Variants in AP3D1 observed in about 807,000 individuals in gnomAD.
AP3D1 encodes AP-3 complex subunit delta-1.
In AP3D1, 51 loss-of-function variants were observed where a neutral mutation model predicts 147.6. The ratio of observed to expected loss-of-function variants is 0.35; its 90% CI spans 0.28 to 0.44. AP3D1 has a LOEUF of 0.44. Ranked by LOEUF, AP3D1 falls within the 20% of genes least tolerant of loss-of-function variation. The pLI is 1.00. For missense variants in AP3D1, 1,421 were observed against 1,624.2 expected, an observed-to-expected ratio of 0.87 and a Z score of 2.15; for synonymous variants, 760 against 663.0, an observed-to-expected ratio of 1.15 and a Z score of -2.25.
intron 6 of AP3D1, 27 bp from the exon 7 acceptor site, chr19:2,129,484 A>C (rs573038546): frequency 6.2e-7 from 1 of 1,601,806 alleles, no homozygotes; most frequent in Admixed American, 1.7e-5. Context: ...TCTCATCAGC[A>C]TGCCTGTCCT....
chr19:2,123,301 CTAACT>C (rs1342929486), intron 11 of AP3D1, 52 bp downstream of exon 11: 4 of 1,568,792 alleles, frequency 2.5e-6, no homozygotes, highest in Non-Finnish European at 3.5e-6. Flanking sequence ...AGGAGGACCC[CTAACT>C]TCACAGAGCT....
upstream of AP3D1, among the ~76,000 whole-genome samples, chr19:2,155,531 CAAAAAA>C (rs60793261): frequency 3.4e-4 from 19 of 55,272 alleles, no homozygotes; most frequent in African/African-American, 9.6e-4. Context: ...GACTCTGTCT[CAAAAAA>C]AAAAAAAAAA....
intron 20 of AP3D1, among the ~76,000 whole-genome samples, 182 bp from the exon 21 acceptor site, chr19:2,115,003 G>C (rs1237657251): frequency 6.6e-6 from 1 of 152,186 alleles, no homozygotes; most frequent in African/African-American, 2.4e-5. Context: ...CCAGGACGCA[G>C]CCAACCTGCA....
At chr19:2,110,054 A>T in intron 28 of AP3D1, 82 bp downstream of exon 28, 1 of 1,586,182 alleles carries the variant, frequency 6.3e-7, no homozygotes, top group Non-Finnish European at 8.6e-7. Context: ...CCCTAGGGAC[A>T]CCTGGACACC....
chr19:2,116,486 C>G (rs2018453031), intron 17 of AP3D1, 119 bp downstream of exon 17: 3 of 1,337,710 alleles, frequency 2.2e-6, no homozygotes, highest in South Asian at 3.0e-5. Context: ...GGCAGGGACG[C>G]CCATGCCTCC....
rs2019506002 is a variant in AP3D1 at position 2,151,375 on chromosome 19, T to A, written c.-41A>T. The A allele has an allele frequency of 7.0e-6, 10 of 1,436,656 alleles. No individual in the cohort carries two copies. Among genetic ancestry groups the A allele is most frequent in the Non-Finnish European group, 9.3e-6 (10 of 1,076,506 alleles). 89.0% of individuals were successfully genotyped at this position (1,436,656 alleles called of 1,614,324 possible). ...GCTTTTGCCTCGGGAGGCCCGCGGC[T>A]GGGCGCCGTGAGGGGGCCCGGGGCC... is the stretch of plus-strand genomic sequence containing the variant. On this transcript the variant is annotated 5_prime_UTR_variant, in exon 1 of 32. Transcript: ENST00000643116.
chr19:2,143,078 T>C (rs2019263953), intron 1 of AP3D1, among the ~76,000 whole-genome samples: 5 of 151,738 alleles, frequency 3.3e-5, no homozygotes, highest in Non-Finnish European at 7.4e-5. Context: ...TTTCTTTTTT[T>C]TCTGAGATGG....
At chr19:2,125,454 T>C (rs2018727962) in intron 9 of AP3D1, among the ~76,000 whole-genome samples, 2 of 152,148 alleles carry the variant, frequency 1.3e-5, no homozygotes. Context: ...TAGTCGGGAT[T>C]ACAGGCGCCC....
chr19:2,116,585 AG>A lies in AP3D1; in HGVS notation c.2001+19del. On this transcript the variant is annotated intron_variant, in intron 17 of 31. Transcript: ENST00000643116. ...AGGAGGGAGGAGACGAGGGCTCGCC[AG>A]GGGCAGCCAGCAGCTCACCCGAGCC... is the stretch of plus-strand genomic sequence containing the variant. 1 of 1,568,200 alleles carries A rather than the reference AG, an allele frequency of 6.4e-7. No individual in the cohort carries two copies. The highest frequency in any genetic ancestry group is 1.2e-5 in the South Asian group (1 of 84,796).
At chr19:2,150,710 G>T (rs975425062) in intron 1 of AP3D1, among the ~76,000 whole-genome samples, 1 of 152,228 alleles carries the variant, frequency 6.6e-6, no homozygotes, top group African/African-American at 2.4e-5. Flanking sequence ...AAGGAAGAAG[G>T]AGTTTCTCCA....
intron 5 of AP3D1, 36 bp downstream of exon 5, chr19:2,132,435 G>T: frequency 1.3e-6 from 2 of 1,555,816 alleles, no homozygotes; most frequent in South Asian, 2.3e-5. Flanking sequence ...TCCCAGAGCA[G>T]ACATGCAGGG....
chr19:2,110,169 C>T lies in AP3D1; in HGVS notation c.3231G>A (p.Gln1077=), dbSNP rs1471204444. ...VFTIQSIVMA[Q]KLKGTLSFIA... ...TGAAGGACAGGGTCCCCTTGAGCTT[C>T]TGCGCCATGACGATGCTCTGGATGG... Residue 1077 remains glutamine (Q), a synonymous_variant, in exon 28 of 32, where the codon CAG becomes CAA. Coordinates refer to ENST00000643116, the MANE Select transcript of AP3D1 (RefSeq NM_001261826.3). 13 of 1,612,896 alleles carry T rather than the reference C, an allele frequency of 8.1e-6. No individual in the cohort carries two copies. The highest frequency in any genetic ancestry group is 1.1e-5 in the Non-Finnish European group (13 of 1,179,986).
intron 9 of AP3D1, among the ~76,000 whole-genome samples, chr19:2,124,855 G>A (rs2018708414): frequency 6.6e-6 from 1 of 152,272 alleles, no homozygotes; most frequent in Non-Finnish European, 1.5e-5. Flanking sequence ...CAGGAGAATC[G>A]CTTGACCTGG....
In AP3D1 at chr19:2,136,017, C is replaced by A. The variant is rs56722175; in HGVS notation, c.354+994G>T. On this transcript the variant is annotated intron_variant, in intron 4 of 31. Coordinates refer to ENST00000643116, the MANE Select transcript of AP3D1 (RefSeq NM_001261826.3). ...GCCCAGGCCCCTCCCGCTACACGGC[C>A]ACGACCCAAGAAGACTCCCGCCCAG... is the stretch of plus-strand genomic sequence containing the variant. Among the ~76,000 whole-genome samples, 854 of 151,616 alleles carry A rather than the reference C, an allele frequency of 5.6e-3. 4 individuals are homozygous for A. The highest frequency in any genetic ancestry group is 0.019 in the African/African-American group (801 of 41,190).
chr19:2,109,122 G>T lies in AP3D1; in HGVS notation c.3436C>A (p.Leu1146Ile), dbSNP rs749972655. Residue 1146 changes from leucine (L) to isoleucine (I), a missense_variant, in exon 30 of 32, where the codon CTT becomes ATT. Coordinates refer to ENST00000643116, the MANE Select transcript of AP3D1 (RefSeq NM_001261826.3). ...TGGTGAAAACAGATCTTCGCCAGAA[G>T]ATTCTGGAAGGACATCCGAATGCCA... is the stretch of plus-strand genomic sequence containing the variant. ...VDGIRMSFQN[L>I]LAKICFHHHF... is the part of the protein sequence containing the mutation. The T allele has an allele frequency of 6.2e-7, 1 of 1,609,342 alleles. No homozygotes were observed. The highest frequency in any genetic ancestry group is 2.2e-5 in the East Asian group (1 of 44,818).
chr19:2,131,299 C>T (rs1169953320), intron 5 of AP3D1, among the ~76,000 whole-genome samples: 4 of 151,708 alleles, frequency 2.6e-5, no homozygotes, highest in African/African-American at 9.7e-5. Flanking sequence ...GGGGACGGCG[C>T]CCATCGGCCA....
chr19:2,151,852 G>C (rs1415077258), upstream of AP3D1, among the ~76,000 whole-genome samples: 1 of 152,252 alleles, frequency 6.6e-6, no homozygotes, highest in Non-Finnish European at 1.5e-5. Context: ...CCTCCCACCA[G>C]CTGACAGGTG....
chr19:2,127,490 CT>C lies in AP3D1; in HGVS notation c.807-290del, dbSNP rs144972770. On this transcript the variant is annotated intron_variant, in intron 8 of 31. Coordinates refer to ENST00000643116, the MANE Select transcript of AP3D1 (RefSeq NM_001261826.3). ...GCGGCCTGTGAGATGGCAATACCGC[CT>C]TCCTACTGCATCTTTTCTAGAGTTT... Among the ~76,000 whole-genome samples, 11,695 of 152,266 alleles carry C rather than the reference CT, an allele frequency of 0.077. 877 individuals carry two copies. The highest frequency in any genetic ancestry group is 0.18 in the African/African-American group (7,565 of 41,526).
chr19:2,137,907 A>G, intron 2 of AP3D1, 100 bp from the exon 3 acceptor site: 7 of 1,062,698 alleles, frequency 6.6e-6, no homozygotes, highest in African/African-American at 1.6e-5. Context: ...ACGGTGCTGG[A>G]ACAGACTCAT....
Sources: gnomAD v4.1 joint callset for allele counts (sites outside exome capture counted in the v4.1 genomes callset) on GRCh38, gnomAD v4.1.1 for gene constraint, MANE v1.5 for transcripts, NCBI Gene and HGNC (gene_info 2026-07-23, HGNC 2026-07-21) for gene names.